Variants in DTNBP1 observed in about 807,000 individuals in gnomAD.
DTNBP1 encodes the protein dysbindin.
In DTNBP1, 35 loss-of-function variants were observed where a neutral mutation model predicts 42.8. The ratio of observed to expected loss-of-function variants is 0.82; its 90% CI spans 0.63 to 1.09. The LOEUF (loss-of-function observed/expected upper bound fraction) is 1.09. DTNBP1 is among the 50% of genes least tolerant of loss of function. DTNBP1 has a pLI of 0.00. For synonymous variants in DTNBP1, 171 were observed against 162.2 expected, an observed-to-expected ratio of 1.05 and a Z score of -0.41; for missense variants, 457 against 424.2, an observed-to-expected ratio of 1.08 and a Z score of -0.68.
chr6:15,603,754 G>A (rs1408151713), intron 6 of DTNBP1, among the ~76,000 whole-genome samples: 1 of 152,104 alleles, frequency 6.6e-6, no homozygotes, highest in Non-Finnish European at 1.5e-5. Flanking sequence ...ACATCCTACT[G>A]AGGCAAGAAT....
intron 7 of DTNBP1, among the ~76,000 whole-genome samples, chr6:15,546,817 T>A (rs1010657754): frequency 6.6e-6 from 1 of 152,166 alleles, no homozygotes; most frequent in Non-Finnish European, 1.5e-5. Flanking sequence ...GAAGGAATGG[T>A]TCAACGCCAT....
chr6:15,579,294 A>G (rs926275642), intron 7 of DTNBP1, among the ~76,000 whole-genome samples: 1 of 152,230 alleles, frequency 6.6e-6, no homozygotes, highest in African/African-American at 2.4e-5. Flanking sequence ...CAGGCATAGA[A>G]AGACAAGTAT....
At chr6:15,647,680 G>A (rs1327156926) in intron 3 of DTNBP1, among the ~76,000 whole-genome samples, 3 of 151,632 alleles carry the variant, frequency 2.0e-5, no homozygotes, top group East Asian at 3.9e-4. Context: ...CTAACAAACT[G>A]TATAACCTAG....
intron 7 of DTNBP1, among the ~76,000 whole-genome samples, chr6:15,569,357 C>G (rs991466819): frequency 2.8e-4 from 38 of 134,348 alleles, no homozygotes; most frequent in African/African-American, 6.6e-4. Flanking sequence ...GTTAAGACCC[C>G]CCCCCGCCCG....
intron 5 of DTNBP1, among the ~76,000 whole-genome samples, chr6:15,620,299 A>C (rs1758967893): frequency 6.6e-6 from 1 of 152,224 alleles, no homozygotes; most frequent in Non-Finnish European, 1.5e-5. Flanking sequence ...AGAATGTCAT[A>C]AATGGTACAT....
chr6:15,645,778 G>A (rs867623123), intron 3 of DTNBP1, among the ~76,000 whole-genome samples: 42 of 152,008 alleles, frequency 2.8e-4, no homozygotes, highest in Admixed American at 9.2e-4. Context: ...GGCATCAAAG[G>A]AACATACCTG....
chr6:15,531,473 G>A (rs1409597874), intron 8 of DTNBP1, among the ~76,000 whole-genome samples: 5 of 152,164 alleles, frequency 3.3e-5, no homozygotes, highest in African/African-American at 9.7e-5. Context: ...TCCAGAGAAC[G>A]TTGTTAAGCT....
intron 7 of DTNBP1, among the ~76,000 whole-genome samples, chr6:15,538,976 TCTGCCTTAGTCC>T (rs532720773): frequency 5.9e-5 from 9 of 152,222 alleles, no homozygotes; most frequent in Non-Finnish European, 1.0e-4. Flanking sequence ...AGGTCCGTTA[TCTGCCTTAGTCC>T]CTGCCCATCC....
At chr6:15,608,959 T>A (rs1411602810) in intron 6 of DTNBP1, among the ~76,000 whole-genome samples, 3 of 152,200 alleles carry the variant, frequency 2.0e-5, no homozygotes, top group African/African-American at 7.2e-5. Context: ...AACATTCATA[T>A]CCTTCAATTC....
Position 15,577,052 on chromosome 6 carries a change from A to G in DTNBP1, c.511+16007T>C, listed in dbSNP as rs146319573. 3.0e-3 allele frequency among the ~76,000 whole-genome samples: 452 copies of G among 152,360 alleles called. 2 individuals are homozygous for G. The highest frequency in any genetic ancestry group is 0.01 in the Middle Eastern group (3 of 294). ...CCCAGGTAAAGAGAGAGAGAGAATG[A>G]TATACAAAGTAAAATGTGGAGAGCC... is the stretch of plus-strand genomic sequence containing the variant. On this transcript the variant is annotated intron_variant, in intron 7 of 9. Coordinates refer to ENST00000344537, the MANE Select transcript of DTNBP1 (RefSeq NM_032122.5).
chr6:15,614,997 C>A, intron 6 of DTNBP1: 1 of 532,954 alleles, frequency 1.9e-6, no homozygotes, highest in South Asian at 1.7e-5. Context: ...CTCAGGGCTC[C>A]TATTTTGCTG....
intron 7 of DTNBP1, among the ~76,000 whole-genome samples, chr6:15,581,486 T>TG (rs1466039778): frequency 6.9e-6 from 1 of 145,528 alleles, no homozygotes; most frequent in Non-Finnish European, 1.5e-5. Flanking sequence ...CTGTTTTTTT[T>TG]TTTTTTTTTT....
intron 4 of DTNBP1, among the ~76,000 whole-genome samples, chr6:15,630,111 T>C (rs1012785196): frequency 6.6e-6 from 1 of 152,100 alleles, no homozygotes; most frequent in East Asian, 1.9e-4. Flanking sequence ...TTCTGGATAT[T>C]GAGGTTAGGA....
chr6:15,643,932 A>G (rs996939123), intron 3 of DTNBP1, among the ~76,000 whole-genome samples: 11 of 152,190 alleles, frequency 7.2e-5, no homozygotes, highest in African/African-American at 2.7e-4. Context: ...AACTTCACAT[A>G]TCAATATTAA....
chr6:15,548,799 A>AT (rs1774040202), intron 7 of DTNBP1, among the ~76,000 whole-genome samples: 1 of 152,222 alleles, frequency 6.6e-6, no homozygotes, highest in African/African-American at 2.4e-5. Flanking sequence ...GGCAATGTTA[A>AT]TTTAAAAAAC....
intron 4 of DTNBP1, among the ~76,000 whole-genome samples, chr6:15,627,747 T>C (rs763778828): frequency 1.1e-4 from 16 of 150,964 alleles, no homozygotes; most frequent in African/African-American, 3.4e-4. Flanking sequence ...CTTCTAAGTA[T>C]ACCCTGTTTT....
chr6:15,660,292 G>A (rs998282375), intron 1 of DTNBP1: 10 of 1,222,924 alleles, frequency 8.2e-6, no homozygotes, highest in Non-Finnish European at 1.1e-5. Context: ...TTCTCCTCAA[G>A]GCAAAAATAA....
At chr6:15,586,408 C>G (rs1776081034) in intron 7 of DTNBP1, among the ~76,000 whole-genome samples, 2 of 152,092 alleles carry the variant, frequency 1.3e-5, no homozygotes, top group African/African-American at 4.8e-5. Flanking sequence ...CTAAATCCCA[C>G]TCCCGCTGGT....
chr6:15,562,678 G>C (rs1340438063), intron 7 of DTNBP1, among the ~76,000 whole-genome samples: 1 of 152,174 alleles, frequency 6.6e-6, no homozygotes, highest in African/African-American at 2.4e-5. Flanking sequence ...CCGGGGAATG[G>C]AGTAGAAGCC....
Sources: gnomAD v4.1 joint callset for allele counts (sites outside exome capture counted in the v4.1 genomes callset) on GRCh38, gnomAD v4.1.1 for gene constraint, MANE v1.5 for transcripts, NCBI Gene and HGNC (gene_info 2026-07-23, HGNC 2026-07-21) for gene names.